FGL1: variants seen among roughly 807,000 people sequenced by gnomAD.
FGL1 encodes fibrinogen like 1.
Under a neutral mutation model 43.7 loss-of-function variants are expected in FGL1, and 59 were observed. The observed-to-expected ratio is 1.35, with a 90% CI of 1.10 to 1.68. The LOEUF is 1.68. Among genes scored for constraint, FGL1 ranks in the 40% most tolerant of loss-of-function variants. The pLI, the probability that FGL1 is intolerant of heterozygous loss-of-function variation, is 0.00. For synonymous variants in FGL1, 192 were observed against 126.5 expected (o/e 1.52, Z -3.48); for missense variants, 596 against 373.0 (o/e 1.60, Z -4.92).
intron 1 of FGL1, among the ~76,000 whole-genome samples, chr8:17,890,206 C>G (rs2053684855): frequency 6.6e-6 from 1 of 152,192 alleles, no homozygotes; most frequent in Non-Finnish European, 1.5e-5. Context: ...CTCACCACCT[C>G]TATTGCTAAT....
At chr8:17,867,302 A>G (rs1425029270) in intron 7 of FGL1, among the ~76,000 whole-genome samples, 1 of 152,192 alleles carries the variant, frequency 6.6e-6, no homozygotes, top group Non-Finnish European at 1.5e-5. Context: ...AAGACATGAT[A>G]TAGATTCAAA....
intron 3 of FGL1, among the ~76,000 whole-genome samples, chr8:17,879,439 G>T (rs2053502557): frequency 6.6e-6 from 1 of 152,122 alleles, no homozygotes; most frequent in South Asian, 2.1e-4. Flanking sequence ...GTAGTTCCCA[G>T]TGTGGGAGGG....
intron 3 of FGL1, among the ~76,000 whole-genome samples, chr8:17,880,372 G>C (rs1235861613): frequency 6.6e-6 from 1 of 152,198 alleles, no homozygotes; most frequent in Non-Finnish European, 1.5e-5. Context: ...TGGAAGCATA[G>C]ACTCTCACAA....
intron 7 of FGL1, among the ~76,000 whole-genome samples, chr8:17,865,866 G>T (rs1374931398): frequency 6.6e-6 from 1 of 150,992 alleles, no homozygotes; most frequent in Non-Finnish European, 1.5e-5. Context: ...AGGCTGAGTG[G>T]CTGGCTTGAA....
At chr8:17,891,690 A>G in intron 1 of FGL1, 4 of 985,266 alleles carry the variant, frequency 4.1e-6, no homozygotes, top group Non-Finnish European at 4.8e-6. Context: ...CCTGAATTAG[A>G]ATTGTAGAAC....
rs149986161 is a variant in FGL1, at chr8:17,882,163, G to T, written c.80C>A (p.Ala27Asp). Residue 27 changes from alanine (A) to aspartate (D), a missense_variant, in exon 3 of 8, where the codon GCC (alanine) becomes GAC (aspartate). Ala to Asp is a moderately radical substitution (Grantham distance 126). Transcript: ENST00000427924. ...GREISALEDC[A>D]QEQMRLRAQV... ...GGCTCTGAGCCGCATCTGCTCCTGG[G>T]CACAGTCCTCGAGCGCCTGCAAAAC... 144 of 1,613,596 alleles carry T rather than the reference G, an allele frequency of 8.9e-5. No homozygotes were observed. The African/African-American group carries it at 9.1e-4, about 10-fold the overall frequency.
rs752543007 is a variant in FGL1 at position 17,882,338 on chromosome 8, C to G, written c.64-159G>C. The G allele has an allele frequency of 8.8e-6, 5 of 569,532 alleles. No individual in the cohort carries two copies. In the East Asian group the frequency reaches 1.6e-4, roughly 18 times the overall value. The allele number at this position is 569,532 out of a possible 1,614,324, so 35.3% of individuals were successfully genotyped here. ...GTGGCTTGAAAAGTTCTAATACTGC[C>G]TACTATTTGAAGAATTGGAAATTAT... On this transcript the variant is annotated intron_variant, in intron 2 of 7. Coordinates refer to ENST00000427924, the MANE Select transcript of FGL1 (RefSeq NM_004467.4).
At chr8:17,882,314 T>A in intron 2 of FGL1, 135 bp from the exon 3 acceptor site, 1 of 863,500 alleles carries the variant, frequency 1.2e-6, no homozygotes, top group Non-Finnish European at 1.7e-6. Flanking sequence ...AAAGAGAAAG[T>A]GGCTTGAAAA....
At chr8:17,865,938 G>A (rs544041199) in intron 7 of FGL1, among the ~76,000 whole-genome samples, 61 of 152,210 alleles carry the variant, frequency 4.0e-4, no homozygotes, top group Middle Eastern at 3.4e-3. Flanking sequence ...TAACTTAAAT[G>A]GACGTAATTA....
intron 7 of FGL1, 24 bp from the exon 8 acceptor site, chr8:17,864,775 G>A (rs746071663): frequency 7.0e-7 from 1 of 1,427,882 alleles, no homozygotes. Flanking sequence ...GAAAAAAAAA[G>A]AAAACAACAA....
intron 3 of FGL1, among the ~76,000 whole-genome samples, chr8:17,877,308 T>C (rs2053470883): frequency 6.6e-6 from 1 of 152,186 alleles, no homozygotes; most frequent in African/African-American, 2.4e-5. Flanking sequence ...TGCCTTCTGT[T>C]TTGACAAACA....
intron 5 of FGL1, among the ~76,000 whole-genome samples, chr8:17,869,965 C>T (rs578015051): frequency 9.1e-4 from 139 of 152,096 alleles, no homozygotes; most frequent in African/African-American, 3.3e-3. Flanking sequence ...AAAAAATTAG[C>T]CGGGCATGGT....
chr8:17,890,454 T>C (rs1205974332), intron 1 of FGL1, among the ~76,000 whole-genome samples: 7 of 152,158 alleles, frequency 4.6e-5, no homozygotes, highest in Non-Finnish European at 7.3e-5. Context: ...CACAGACTTC[T>C]CAGGGCGATT....
At chr8:17,882,781 A>AAT (rs1307744890) in intron 2 of FGL1, 2 of 133,922 alleles carry the variant, frequency 1.5e-5, no homozygotes, top group African/African-American at 2.8e-5. Context: ...AACAATATAT[A>AAT]ATATATAGTA....
intron 3 of FGL1, among the ~76,000 whole-genome samples, chr8:17,880,497 C>T (rs1014342420): frequency 9.2e-5 from 14 of 152,114 alleles, no homozygotes; most frequent in African/African-American, 3.4e-4. Flanking sequence ...AATAGGTGTC[C>T]GAATTTATAT....
intron 1 of FGL1, among the ~76,000 whole-genome samples, chr8:17,887,002 G>A (rs1460936085): frequency 3.3e-5 from 5 of 152,116 alleles, no homozygotes; most frequent in South Asian, 4.1e-4. Flanking sequence ...GCTGCTTCTC[G>A]TACCCTTTCA....
At chr8:17,867,616 G>A (rs760208304) in intron 7 of FGL1, among the ~76,000 whole-genome samples, 5 of 152,154 alleles carry the variant, frequency 3.3e-5, no homozygotes, top group African/African-American at 1.2e-4. Context: ...ATTCGAACAC[G>A]AGCACTATGA....
intron 3 of FGL1, among the ~76,000 whole-genome samples, chr8:17,876,136 A>G (rs1378780814): frequency 3.3e-5 from 5 of 152,158 alleles, no homozygotes; most frequent in East Asian, 1.9e-4. Flanking sequence ...AACATCATCA[A>G]CTTTCACTTT....
At chr8:17,889,863 A>G (rs2053680651) in intron 1 of FGL1, among the ~76,000 whole-genome samples, 1 of 152,238 alleles carries the variant, frequency 6.6e-6, no homozygotes, top group African/African-American at 2.4e-5. Flanking sequence ...TAGGAAGAAC[A>G]CACTTGAAAA....
Sources: allele counts gnomAD v4.1 joint callset (sites outside exome capture counted in the v4.1 genomes callset), GRCh38; gene constraint gnomAD v4.1.1; transcripts MANE v1.5; gene names NCBI Gene and HGNC (gene_info 2026-07-23, HGNC 2026-07-21).